DAPK1: variants seen among roughly 807,000 people sequenced by gnomAD.
DAPK1 encodes the protein death-associated protein kinase 1.
DAPK1 carries 56 observed loss-of-function variants against 144.9 expected under a neutral mutation model. That is an observed-to-expected ratio of 0.39 (90% CI 0.31 to 0.48). The LOEUF is 0.48. Among genes scored for constraint, DAPK1 ranks in the 20% least tolerant of loss-of-function variants. The probability of loss-of-function intolerance (pLI) is 0.95; values close to 1 mark genes in which losing one functional copy is unlikely to be tolerated. For missense variants in DAPK1, 1,454 were observed against 1,875.4 expected (o/e 0.78, Z 4.15); for synonymous variants, 690 against 749.0 (o/e 0.92, Z 1.29).
At chr9:87,539,430 C>CT (rs34369093) in intron 2 of DAPK1, among the ~76,000 whole-genome samples, 11,478 of 129,034 alleles carry the variant, frequency 0.089, 1,917 homozygotes, top group African/African-American at 0.31. Context: ...AAATTTCTCA[C>CT]TTTTTTTTTT....
At chr9:87,525,867 C>T (rs1383300642) in intron 2 of DAPK1, among the ~76,000 whole-genome samples, 1 of 152,138 alleles carries the variant, frequency 6.6e-6, no homozygotes, top group Non-Finnish European at 1.5e-5. Flanking sequence ...GCTTAATAGT[C>T]AGTTGAGCTA....
At chr9:87,562,967 C>G (rs1826986027) in intron 2 of DAPK1, among the ~76,000 whole-genome samples, 1 of 152,174 alleles carries the variant, frequency 6.6e-6, no homozygotes, top group Non-Finnish European at 1.5e-5. Context: ...AACTTTTTTA[C>G]TTTCTTCATG....
At chr9:87,550,703 A>C (rs1050790233) in intron 2 of DAPK1, among the ~76,000 whole-genome samples, 2 of 152,086 alleles carry the variant, frequency 1.3e-5, no homozygotes, top group Admixed American at 1.3e-4. Flanking sequence ...TCAGTATACA[A>C]ATTTGAGGGG....
At chr9:87,550,332 T>C (rs919386446) in intron 2 of DAPK1, among the ~76,000 whole-genome samples, 1 of 152,272 alleles carries the variant, frequency 6.6e-6, no homozygotes, top group Non-Finnish European at 1.5e-5. Flanking sequence ...ATTAGTGTGC[T>C]AGGGCTGTTA....
intron 2 of DAPK1, chr9:87,499,381 C>T: frequency 2.1e-6 from 1 of 478,848 alleles, no homozygotes; most frequent in Non-Finnish European, 3.8e-6. Flanking sequence ...ATCCAGTCCC[C>T]TGGACAAAAT....
At chr9:87,593,214 A>C (rs1828201701) in intron 2 of DAPK1, among the ~76,000 whole-genome samples, 1 of 152,244 alleles carries the variant, frequency 6.6e-6, no homozygotes, top group East Asian at 1.9e-4. Context: ...TAAATGCCAC[A>C]TAGTGCCAGT....
chr9:87,643,233 T>C (rs1041327442), intron 10 of DAPK1, 143 bp from the exon 11 acceptor site: 1 of 576,928 alleles, frequency 1.7e-6, no homozygotes, highest in Non-Finnish European at 3.1e-6. Context: ...TGGGAGAGTG[T>C]GTGCTGATAG....
At chr9:87,535,722 A>G (rs1053342361) in intron 2 of DAPK1, among the ~76,000 whole-genome samples, 5 of 152,182 alleles carry the variant, frequency 3.3e-5, no homozygotes, top group Non-Finnish European at 7.3e-5. Context: ...TTCTTTGCAA[A>G]ATCATTAGAT....
At chr9:87,630,737 A>G (rs1390366086) in intron 3 of DAPK1, among the ~76,000 whole-genome samples, 1 of 152,200 alleles carries the variant, frequency 6.6e-6, no homozygotes, top group African/African-American at 2.4e-5. Flanking sequence ...ACATCTGCAC[A>G]CAGATCGGAG....
chr9:87,565,122 C>T (rs141599270), intron 2 of DAPK1, among the ~76,000 whole-genome samples: 196 of 152,206 alleles, frequency 1.3e-3, no homozygotes, highest in Non-Finnish European at 2.2e-3. Context: ...TCAAAGGGCC[C>T]GAGGTCACGA....
In DAPK1 at chr9:87,686,592, G is replaced by T; in HGVS notation, c.2266G>T (p.Val756Leu). The change falls in exon 21 of 26, where the codon GTG (valine) becomes TTG (leucine). Residue 756 changes from valine (V) to leucine (L), a missense_variant. Transcript: ENST00000408954. This position sits in a 1 kb window ranked among gnomAD's most constrained non-coding sequence, Gnocchi z 4.2. ...INNLYPGCEN[V>L]SVRSRSMMFE... ...CAACCTGTACCCAGGCTGCGAGAAC[G>T]TGAGTGTGAGGAGCCGCAGCATGAT... The T allele has an allele frequency of 6.3e-7, 1 of 1,597,786 alleles. No individual in the cohort carries two copies.
intron 2 of DAPK1, among the ~76,000 whole-genome samples, chr9:87,600,281 T>C (rs1301089632): frequency 6.6e-6 from 1 of 152,228 alleles, no homozygotes; most frequent in African/African-American, 2.4e-5. Flanking sequence ...AAATATTGAC[T>C]TGGAGGTTAC....
chr9:87,523,113 C>G (rs921051357), intron 2 of DAPK1, among the ~76,000 whole-genome samples: 14 of 152,086 alleles, frequency 9.2e-5, no homozygotes, highest in Admixed American at 9.2e-4. Context: ...GTCATTTTAA[C>G]TATTTTTAAG....
chr9:87,577,299 C>T lies in DAPK1; in HGVS notation c.63-27655C>T, dbSNP rs538556689. 3.3e-5 allele frequency among the ~76,000 whole-genome samples: 5 copies of T among 152,272 alleles called. No homozygotes were observed. The East Asian group carries it at 9.7e-4, about 29-fold the overall frequency. Reference sequence around the variant, plus strand: ...ATTGGAAACTCGGGGTGGGGCCCAGCGGTCTGTGTTTTAACTAGACTTCAG... The same window carrying T: ...ATTGGAAACTCGGGGTGGGGCCCAGTGGTCTGTGTTTTAACTAGACTTCAG... On this transcript the variant is annotated intron_variant, in intron 2 of 25. Transcript: ENST00000408954.
chr9:87,601,236 A>G (rs1382552473), intron 2 of DAPK1, among the ~76,000 whole-genome samples: 4 of 152,236 alleles, frequency 2.6e-5, no homozygotes, highest in African/African-American at 7.2e-5. Context: ...CTGTCCTCAC[A>G]GTTTGCTGGC....
At chr9:87,678,048 C>T (rs1277889040) in intron 19 of DAPK1, among the ~76,000 whole-genome samples, 1 of 152,178 alleles carries the variant, frequency 6.6e-6, no homozygotes, top group Non-Finnish European at 1.5e-5. Context: ...TCAAGACCCC[C>T]AGTCCTTTCC....
At chr9:87,608,367 T>G (rs919876407) in intron 3 of DAPK1, among the ~76,000 whole-genome samples, 5 of 152,224 alleles carry the variant, frequency 3.3e-5, no homozygotes, top group African/African-American at 1.2e-4. Context: ...TATGGATTTT[T>G]TATAAACCAT....
At chr9:87,610,985 A>G (rs371223412) in intron 3 of DAPK1, among the ~76,000 whole-genome samples, 1 of 147,034 alleles carries the variant, frequency 6.8e-6, no homozygotes, top group South Asian at 2.2e-4. Context: ...TACTTTATCT[A>G]GCACATACTT....
intron 2 of DAPK1, among the ~76,000 whole-genome samples, chr9:87,578,393 G>A (rs1162230326): frequency 6.6e-6 from 1 of 152,158 alleles, no homozygotes; most frequent in Non-Finnish European, 1.5e-5. Flanking sequence ...TAGCTCCACT[G>A]TTTTCCTCTG....
Sources: allele counts gnomAD v4.1 joint callset (sites outside exome capture counted in the v4.1 genomes callset), GRCh38; gene constraint gnomAD v4.1.1; non-coding constraint Gnocchi (gnomAD v3.1); transcripts MANE v1.5; gene names NCBI Gene and HGNC (gene_info 2026-07-23, HGNC 2026-07-21).